The following KCNK13 variants were observed in gnomAD, a reference collection of about 807,000 sequenced individuals.
The protein encoded by KCNK13 is potassium channel subfamily K member 13.
A neutral mutation model predicts 23.4 loss-of-function variants in KCNK13; 12 were observed. The ratio of observed to expected loss-of-function variants is 0.51; its 90% CI spans 0.33 to 0.83. The LOEUF (loss-of-function observed/expected upper bound fraction) is 0.83. Ranked by LOEUF, KCNK13 falls within the 40% of genes least tolerant of loss-of-function variation. The pLI, the probability that KCNK13 is intolerant of heterozygous loss-of-function variation, is 0.02. For missense variants in KCNK13, 463 were observed against 556.3 expected (o/e 0.83, Z 1.69); for synonymous variants, 231 against 229.5 (o/e 1.01, Z -0.06).
At chr14:90,090,375 T>C (rs977862176) in intron 1 of KCNK13, among the ~76,000 whole-genome samples, 6 of 152,222 alleles carry the variant, frequency 3.9e-5, no homozygotes, top group African/African-American at 1.4e-4. Flanking sequence ...TGTAACCCCT[T>C]TATTTTGGCC....
chr14:90,077,878 C>T (rs548126786), intron 1 of KCNK13, among the ~76,000 whole-genome samples: 7 of 152,146 alleles, frequency 4.6e-5, no homozygotes, highest in African/African-American at 1.7e-4. Context: ...TAAGCCACTC[C>T]CATTCCCAAC....
intron 1 of KCNK13, among the ~76,000 whole-genome samples, chr14:90,148,008 A>G (rs894262228): frequency 6.6e-6 from 1 of 152,102 alleles, no homozygotes; most frequent in African/African-American, 2.4e-5. Flanking sequence ...AAAAATACAA[A>G]AAGTATTAGC....
intron 1 of KCNK13, among the ~76,000 whole-genome samples, chr14:90,082,172 C>T (rs1457390404): frequency 1.3e-5 from 2 of 152,148 alleles, no homozygotes; most frequent in Non-Finnish European, 2.9e-5. Context: ...AGTGATTCTC[C>T]TGCCTCAGCC....
At chr14:90,108,309 T>A (rs1889571168) in intron 1 of KCNK13, among the ~76,000 whole-genome samples, 1 of 152,194 alleles carries the variant, frequency 6.6e-6, no homozygotes, top group African/African-American at 2.4e-5. Context: ...CGTGTCGGCA[T>A]GCCTCTGCCT....
Position 90,089,544 on chromosome 14 carries a change from G to GA in KCNK13, c.334+27009dup, listed in dbSNP as rs537118684. On this transcript the variant is annotated intron_variant, in intron 1 of 1. Coordinates refer to ENST00000282146, the MANE Select transcript of KCNK13 (RefSeq NM_022054.4). The stretch of plus-strand genomic sequence containing the variant: ...TGCAGCCTGACAATATGATAGAAAA[G>GA]AAAATCCCATCTTCCGAGGAGAAAT... Among the ~76,000 whole-genome samples, 360 of 152,334 alleles carry GA rather than the reference G, an allele frequency of 2.4e-3. 2 individuals carry two copies. Among genetic ancestry groups the GA allele is most frequent in the African/African-American group, 8.2e-3 (342 of 41,582 alleles).
intron 1 of KCNK13, among the ~76,000 whole-genome samples, chr14:90,126,631 C>A (rs1464760619): frequency 6.6e-6 from 1 of 152,106 alleles, no homozygotes; most frequent in East Asian, 1.9e-4. Context: ...GCAACCTCCG[C>A]CTCCTGGGTT....
intron 1 of KCNK13, among the ~76,000 whole-genome samples, chr14:90,116,346 G>A (rs927956246): frequency 2.6e-5 from 4 of 152,090 alleles, no homozygotes; most frequent in East Asian, 1.9e-4. Flanking sequence ...AAATATTCTC[G>A]GCATTATGGG....
chr14:90,100,730 C>G (rs754008508), intron 1 of KCNK13, among the ~76,000 whole-genome samples: 1 of 152,124 alleles, frequency 6.6e-6, no homozygotes, highest in African/African-American at 2.4e-5. Flanking sequence ...CTTGCTTTGT[C>G]GCGCAGGCTG....
intron 1 of KCNK13, among the ~76,000 whole-genome samples, chr14:90,113,476 C>G (rs1024156223): frequency 3.3e-5 from 5 of 152,142 alleles, no homozygotes. Context: ...ATGACTGAAT[C>G]AATGCACCAT....
chr14:90,161,107 T>C (rs1447313318), intron 1 of KCNK13, among the ~76,000 whole-genome samples: 2 of 152,134 alleles, frequency 1.3e-5, no homozygotes, highest in African/African-American at 4.8e-5. Flanking sequence ...TAAAATGTTA[T>C]GCAGCCATAA....
At chr14:90,137,949 T>C (rs1596794319) in intron 1 of KCNK13, among the ~76,000 whole-genome samples, 1 of 152,074 alleles carries the variant, frequency 6.6e-6, no homozygotes, top group Admixed American at 6.6e-5. Flanking sequence ...CAATGAGGAG[T>C]TGCTGTTATC....
intron 1 of KCNK13, among the ~76,000 whole-genome samples, chr14:90,149,674 G>T (rs1310002789): frequency 1.3e-5 from 2 of 152,140 alleles, no homozygotes; most frequent in Non-Finnish European, 2.9e-5. Context: ...CCGTTTGCCT[G>T]TTGCTGTGGC....
chr14:90,090,339 G>C (rs879394044), intron 1 of KCNK13, among the ~76,000 whole-genome samples: 2 of 152,218 alleles, frequency 1.3e-5, no homozygotes, highest in Non-Finnish European at 2.9e-5. Context: ...GGACTGCCCT[G>C]CTGGATTTCA....
intron 1 of KCNK13, among the ~76,000 whole-genome samples, chr14:90,076,226 G>A (rs1441752775): frequency 1.3e-5 from 2 of 152,222 alleles, no homozygotes; most frequent in African/African-American, 4.8e-5. Context: ...AATACCAATG[G>A]TTTAAACACA....
intron 1 of KCNK13, among the ~76,000 whole-genome samples, chr14:90,162,029 A>T (rs1051604064): frequency 2.2e-4 from 34 of 152,014 alleles, no homozygotes; most frequent in Non-Finnish European, 7.4e-5. Flanking sequence ...ACATCAAAAA[A>T]CTTACCCAGA....
At chr14:90,165,924 A>G (rs10132426) in intron 1 of KCNK13, among the ~76,000 whole-genome samples, 2,586 of 152,290 alleles carry the variant, frequency 0.017, 74 homozygotes, top group African/African-American at 0.059. Context: ...TCCTCTTCGC[A>G]AGCTGATGCA....
At chr14:90,091,467 C>G (rs543107415) in intron 1 of KCNK13, among the ~76,000 whole-genome samples, 2 of 152,258 alleles carry the variant, frequency 1.3e-5, no homozygotes, top group African/African-American at 4.8e-5. Flanking sequence ...AAAAATGTAT[C>G]AAGTCCTATA....
Position 90,062,083 on chromosome 14 carries a change from G to T in KCNK13, c.-123G>T. 1 of 595,414 alleles carries T rather than the reference G, an allele frequency of 1.7e-6. No individual in the cohort carries two copies. Among genetic ancestry groups the T allele is most frequent in the Non-Finnish European group, 2.5e-6 (1 of 396,826 alleles). The allele number at this position is 595,414 out of a possible 1,614,324, so 36.9% of individuals were successfully genotyped here. A position where few individuals can be genotyped will look rare whatever the true frequency, so the allele number is the denominator to read the frequency against. ...GCGGGAGAGCCCGGCGGTCATGGGC[G>T]AGCCGGCGGTGGGGCGCCCGGGAGC... On this transcript the variant is annotated 5_prime_UTR_variant, in exon 1 of 2. The change creates a premature stop within an existing upstream ORF in the 5' untranslated region. Coordinates refer to ENST00000282146, the MANE Select transcript of KCNK13 (RefSeq NM_022054.4). The surrounding 1 kb of genome is among the most constrained non-coding windows in gnomAD (Gnocchi z 4.5).
intron 1 of KCNK13, among the ~76,000 whole-genome samples, chr14:90,072,069 C>G (rs1220237971): frequency 2.0e-5 from 3 of 152,150 alleles, no homozygotes; most frequent in Non-Finnish European, 4.4e-5. Flanking sequence ...ATCACCTCAT[C>G]AGAAGGCACC....
Sources: allele counts gnomAD v4.1 joint callset (sites outside exome capture counted in the v4.1 genomes callset), GRCh38; gene constraint gnomAD v4.1.1; non-coding constraint Gnocchi (gnomAD v3.1); transcripts MANE v1.5; gene names NCBI Gene and HGNC (gene_info 2026-07-23, HGNC 2026-07-21).